Variants in ATG7 observed in about 807,000 individuals in gnomAD.
ATG7 encodes autophagy related 7.
In ATG7, 70 loss-of-function variants were observed where a neutral mutation model predicts 82.4. That is an observed-to-expected ratio of 0.85 (90% confidence interval 0.70 to 1.04). The LOEUF is 1.04. Ranked by LOEUF, ATG7 falls within the 50% of genes least tolerant of loss-of-function variation. The pLI, the probability that ATG7 is intolerant of heterozygous loss-of-function variation, is 0.00. For missense variants in ATG7, 792 were observed against 864.3 expected (o/e 0.92, Z 1.05); for synonymous variants, 287 against 313.0 (o/e 0.92, Z 0.88).
intron 3 of ATG7, 126 bp from the exon 4 acceptor site, chr3:11,298,560 C>A: frequency 1.2e-6 from 1 of 863,408 alleles, no homozygotes; most frequent in African/African-American, 1.7e-5. Context: ...AGTTGTGTTT[C>A]AAGGTAGCCT....
the ATG7 span, among the ~76,000 whole-genome samples, chr3:11,563,468 C>T: frequency 6.6e-6 from 1 of 152,360 alleles, no homozygotes; most frequent in African/African-American, 2.4e-5. Flanking sequence ...TGCCCAACAG[C>T]ACAATCCTCT....
At chr3:11,343,287 C>CT (rs1374807874) in intron 13 of ATG7, among the ~76,000 whole-genome samples, 1 of 152,160 alleles carries the variant, frequency 6.6e-6, no homozygotes, top group Non-Finnish European at 1.5e-5. Flanking sequence ...AGACACAGAA[C>CT]TTTTTTCCAC....
intron 9 of ATG7, among the ~76,000 whole-genome samples, chr3:11,323,187 T>C (rs1340789516): frequency 6.6e-6 from 1 of 152,186 alleles, no homozygotes; most frequent in African/African-American, 2.4e-5. Flanking sequence ...AATAGTCCTG[T>C]TTTTGTAGTG....
chr3:11,285,074 TCTCCTGAC>T (rs1943744003), intron 3 of ATG7, among the ~76,000 whole-genome samples: 1 of 149,676 alleles, frequency 6.7e-6, no homozygotes, highest in African/African-American at 2.5e-5. Context: ...ATGGTCTTGA[TCTCCTGAC>T]CTCATGATTT....
chr3:11,358,056 T>A (rs1477156082), intron 14 of ATG7, among the ~76,000 whole-genome samples: 1 of 150,386 alleles, frequency 6.6e-6, no homozygotes, highest in Non-Finnish European at 1.5e-5. Flanking sequence ...GGTACTTGGG[T>A]AGGCAGAAGG....
intron 3 of ATG7, among the ~76,000 whole-genome samples, chr3:11,286,472 A>G (rs1329338904): frequency 6.7e-6 from 1 of 149,886 alleles, no homozygotes; most frequent in East Asian, 1.9e-4. Context: ...TCATAGTCAT[A>G]GAAGTTTGGG....
At chr3:11,550,713 T>G (rs1236425365) in intron 20 of ATG7, among the ~76,000 whole-genome samples, 1 of 152,172 alleles carries the variant, frequency 6.6e-6, no homozygotes, top group Non-Finnish European at 1.5e-5. Context: ...TAAGAGCTCT[T>G]TGTCTATTAC....
intron 19 of ATG7, among the ~76,000 whole-genome samples, chr3:11,414,217 C>G (rs2081168595): frequency 6.6e-6 from 1 of 152,098 alleles, no homozygotes; most frequent in Non-Finnish European, 1.5e-5. Flanking sequence ...AGGTGCACAC[C>G]ACCACACCTA....
At chr3:11,499,813 AGG>A (rs2091187091) in intron 20 of ATG7, among the ~76,000 whole-genome samples, 1 of 151,972 alleles carries the variant, frequency 6.6e-6, no homozygotes, top group Non-Finnish European at 1.5e-5. Context: ...TGCAGTGCCC[AGG>A]GCACCTCCAC....
intron 20 of ATG7, among the ~76,000 whole-genome samples, chr3:11,443,938 T>C (rs1038918650): frequency 6.6e-6 from 1 of 152,234 alleles, no homozygotes; most frequent in Non-Finnish European, 1.5e-5. Context: ...ATCTCATATT[T>C]TACTTTCTGA....
At chr3:11,287,734 C>A (rs1248452106) in intron 3 of ATG7, among the ~76,000 whole-genome samples, 1 of 152,262 alleles carries the variant, frequency 6.6e-6, no homozygotes, top group Non-Finnish European at 1.5e-5. Flanking sequence ...GTATTTGCAG[C>A]ATTACAAGGT....
At position 11,333,015 on chromosome 3, in the gene ATG7, C is replaced by T. The variant is rs773774612; in HGVS notation, c.811C>T (p.Arg271Cys). Reference protein sequence around the residue: ...QSVEVVCFRDRTMQGARDVAH... With the variant: ...QSVEVVCFRDCTMQGARDVAH... ...TGTTGAAGTTGTTTGCTTCCGTGAC[C>T]GTACCATGCAGGGGGCGAGAGACGT... The change falls in exon 11 of 21, where the codon CGT becomes TGT. Residue 271 changes from arginine (R) to cysteine (C), a missense_variant. By Grantham distance (180) the Arg-to-Cys change is radical. Transcript: ENST00000693202. 7.0e-6 allele frequency: 11 copies of T among 1,574,648 alleles called. No individual in the cohort carries two copies. The highest frequency in any genetic ancestry group is 5.8e-5 in the South Asian group (5 of 85,550).
intron 18 of ATG7, among the ~76,000 whole-genome samples, chr3:11,372,948 T>G (rs1004199669): frequency 6.6e-6 from 1 of 151,344 alleles, no homozygotes; most frequent in South Asian, 2.1e-4. Context: ...GAAAGTTAAA[T>G]GTTTAGATAA....
At chr3:11,358,755 C>T (rs974668588) in intron 15 of ATG7, 143 bp downstream of exon 15, 4 of 830,124 alleles carry the variant, frequency 4.8e-6, no homozygotes, top group Admixed American at 5.9e-5. Context: ...CTGCTTCAGA[C>T]TCTGTCTTTG....
In ATG7 at chr3:11,364,645, T is replaced by C. The variant is rs372234524; in HGVS notation, c.1800-14T>C. 3 of 1,613,846 alleles carry C rather than the reference T, an allele frequency of 1.9e-6. No homozygotes were observed. The African/African-American group carries it at 4.0e-5, about 22-fold the overall frequency. On this transcript the variant is annotated splice_polypyrimidine_tract_variant and intron_variant, in intron 17 of 20. Coordinates refer to ENST00000693202, the MANE Select transcript of ATG7 (RefSeq NM_001349232.2). Reference sequence around the variant, plus strand: ...TGGATTAAATGAGCAGCTCTGATTGTTTCCTGTCCTCAGGGGCTATGCCAT... The same window carrying C: ...TGGATTAAATGAGCAGCTCTGATTGCTTCCTGTCCTCAGGGGCTATGCCAT...
intron 20 of ATG7, among the ~76,000 whole-genome samples, chr3:11,460,430 A>AG (rs2086195553): frequency 1.3e-5 from 2 of 152,182 alleles, no homozygotes; most frequent in African/African-American, 4.8e-5. Flanking sequence ...ATGTCGTGAG[A>AG]GAAGGGGTCA....
chr3:11,423,694 G>A (rs1373647819), intron 19 of ATG7, among the ~76,000 whole-genome samples: 2 of 151,830 alleles, frequency 1.3e-5, no homozygotes, highest in East Asian at 1.9e-4. Context: ...CTCTACGCAC[G>A]TAATGGTCCT....
chr3:11,528,567 C>G (rs2092631591), intron 20 of ATG7, among the ~76,000 whole-genome samples: 5 of 152,142 alleles, frequency 3.3e-5, no homozygotes, highest in Admixed American at 3.3e-4. Context: ...TGACTCATTC[C>G]TGTAATCCCA....
chr3:11,497,102 C>T (rs1036843826), intron 20 of ATG7, among the ~76,000 whole-genome samples: 15 of 151,824 alleles, frequency 9.9e-5, no homozygotes, highest in African/African-American at 3.6e-4. Flanking sequence ...CCGCTTGCCT[C>T]GGCCTCCCAA....
Sources: gnomAD v4.1 joint callset for allele counts (sites outside exome capture counted in the v4.1 genomes callset) on GRCh38, gnomAD v4.1.1 for gene constraint, MANE v1.5 for transcripts, NCBI Gene and HGNC (gene_info 2026-07-23, HGNC 2026-07-21) for gene names.